Variants in CDON observed in about 807,000 individuals in gnomAD.
CDON encodes the protein cell adhesion associated, oncogene regulated.
In CDON, 73 loss-of-function variants were observed where a neutral mutation model predicts 120.9. The ratio of observed to expected loss-of-function variants is 0.60; its 90% CI spans 0.50 to 0.73. The LOEUF (loss-of-function observed/expected upper bound fraction) is 0.73. CDON is among the 30% of genes least tolerant of loss of function. The pLI, the probability that CDON is intolerant of heterozygous loss-of-function variation, is 0.00. For synonymous variants in CDON, 566 were observed against 573.5 expected (o/e 0.99, Z 0.19); for missense variants, 1,470 against 1,587.3 (o/e 0.93, Z 1.26).
rs516664 is a variant in CDON, at chr11:126,001,840, C to T, written c.2037G>A (p.Ala679=). The T allele has an allele frequency of 0.32, 507,564 of 1,580,472 alleles. 84,210 individuals are homozygous for T. The highest frequency in any genetic ancestry group is 0.38 in the African/African-American group (28,233 of 74,392). The change falls in exon 11 of 20, where the codon GCG becomes GCA. Residue 679 remains alanine (A), a synonymous_variant. Coordinates refer to ENST00000531738, the MANE Select transcript of CDON (RefSeq NM_001378964.1). ...AGGATGCCTGGGTGTTTTTTGATGACGCTGTTTTTTCTAGAAAGGTAAATA... is the reference window on the plus strand; with the variant it reads ...AGGATGCCTGGGTGTTTTTTGATGATGCTGTTTTTTCTAGAAAGGTAAATA... ...LTFRTSKEKT[A]SSKNTQASSP... is the part of the protein sequence containing the mutation.
intron 18 of CDON, among the ~76,000 whole-genome samples, chr11:125,965,735 G>A (rs1005109836): frequency 6.6e-6 from 1 of 152,220 alleles, no homozygotes; most frequent in South Asian, 2.1e-4. Flanking sequence ...ATGACTTAAA[G>A]TGATCTGGCC....
At chr11:126,009,152 C>T (rs894481560) in intron 8 of CDON, among the ~76,000 whole-genome samples, 4 of 152,206 alleles carry the variant, frequency 2.6e-5, no homozygotes, top group South Asian at 2.1e-4. Context: ...ACGTGCTCAG[C>T]CTCCACATCT....
At chr11:126,029,472 A>G (rs1250027169) in intron 1 of CDON, among the ~76,000 whole-genome samples, 1 of 152,146 alleles carries the variant, frequency 6.6e-6, no homozygotes, top group African/African-American at 2.4e-5. Context: ...CTAAGGGAAT[A>G]TTTGCTGACA....
intron 18 of CDON, among the ~76,000 whole-genome samples, chr11:125,970,228 G>A (rs1352525805): frequency 7.0e-6 from 1 of 143,482 alleles, no homozygotes; most frequent in African/African-American, 2.6e-5. Context: ...AGGCTGGAGT[G>A]CAGTGGCGCG....
intron 10 of CDON, among the ~76,000 whole-genome samples, chr11:126,002,645 C>T (rs1427131936): frequency 1.3e-5 from 2 of 152,200 alleles, no homozygotes; most frequent in African/African-American, 2.4e-5. Flanking sequence ...TGTGCTTCCC[C>T]AGCACTGTCC....
At chr11:126,015,539 T>C (rs775831353) in intron 6 of CDON, 29 bp from the exon 7 acceptor site, 33 of 1,609,282 alleles carry the variant, frequency 2.1e-5, no homozygotes, top group African/African-American at 2.7e-5. Flanking sequence ...AATTAAACTC[T>C]AGCCCTCAAA....
chr11:125,958,162 A>G lies in CDON; in HGVS notation c.*2780T>C, dbSNP rs889141167. ...GAATTCCACGGCAGGGATAGATCAC[A>G]GCATACGGAACGGGACTGGTTCCAT... On this transcript the variant is annotated 3_prime_UTR_variant, in exon 20 of 20. Coordinates refer to ENST00000531738, the MANE Select transcript of CDON (RefSeq NM_001378964.1). The G allele has an allele frequency of 3.3e-5, 5 of 152,222 alleles. No individual in the cohort carries two copies. Among genetic ancestry groups the G allele is most frequent in the African/African-American group, 9.6e-5 (4 of 41,468 alleles). 9.4% of individuals were successfully genotyped at this position (152,222 alleles called of 1,614,324 possible).
At chr11:125,989,521 G>T in intron 15 of CDON, 116 bp downstream of exon 15, 2 of 979,592 alleles carry the variant, frequency 2.0e-6, no homozygotes, top group Non-Finnish European at 3.2e-6. Flanking sequence ...GGGTGACAGA[G>T]TGAGACCGTG....
At chr11:126,038,826 T>C (rs1049144155) in intron 1 of CDON, among the ~76,000 whole-genome samples, 1 of 152,096 alleles carries the variant, frequency 6.6e-6, no homozygotes, top group African/African-American at 2.4e-5. Context: ...ACCTCAAGAG[T>C]AAAGGATCAG....
chr11:126,016,942 A>G (rs1203738696), intron 6 of CDON, 146 bp downstream of exon 6: 4 of 688,184 alleles, frequency 5.8e-6, no homozygotes, highest in East Asian at 5.4e-5. Context: ...TCAGCAGTCC[A>G]TTATAAAAAT....
intron 18 of CDON, among the ~76,000 whole-genome samples, chr11:125,968,239 T>C (rs1249670407): frequency 6.6e-6 from 1 of 152,260 alleles, no homozygotes; most frequent in East Asian, 1.9e-4. Context: ...AAAACAATGA[T>C]GACTCGCCAG....
rs60615493 is a variant in CDON at position 125,976,618 on chromosome 11, A to AAC, written c.3356+1684_3356+1685dup. On this transcript the variant is annotated intron_variant, in intron 18 of 19. Coordinates refer to ENST00000531738, the MANE Select transcript of CDON (RefSeq NM_001378964.1). ...ACACACACATGCACACACACACACA[A>AAC]ACACACACACACACACACACTACAC... Among the ~76,000 whole-genome samples the AAC allele has an allele frequency of 2.4e-3, 358 of 151,156 alleles. 7 individuals are homozygous for AAC. In the East Asian group the frequency reaches 0.041, roughly 18 times the overall value.
chr11:126,047,464 T>C (rs1591429438), intron 1 of CDON, among the ~76,000 whole-genome samples: 1 of 152,332 alleles, frequency 6.6e-6, no homozygotes, highest in Non-Finnish European at 1.5e-5. Flanking sequence ...CCTACTCATT[T>C]GATTTTGATT....
At chr11:126,043,694 C>T (rs569599774) in intron 1 of CDON, among the ~76,000 whole-genome samples, 12 of 152,342 alleles carry the variant, frequency 7.9e-5, no homozygotes, top group South Asian at 2.1e-4. Flanking sequence ...AGCCTTCCCG[C>T]GCCATACACA....
intron 7 of CDON, chr11:126,011,058 T>A: frequency 2.9e-6 from 1 of 343,860 alleles, no homozygotes; most frequent in South Asian, 2.4e-5. Flanking sequence ...TAAATAAGTA[T>A]AAAAGTAGAT....
intron 1 of CDON, among the ~76,000 whole-genome samples, chr11:126,062,178 C>CACTG: frequency 6.6e-6 from 1 of 152,326 alleles, no homozygotes; most frequent in South Asian, 2.1e-4. Flanking sequence ...ACACATAAAT[C>CACTG]ACTGTCTCTC....
chr11:126,028,822 T>C (rs1315704458), intron 1 of CDON, among the ~76,000 whole-genome samples: 1 of 146,790 alleles, frequency 6.8e-6, no homozygotes, highest in Non-Finnish European at 1.5e-5. Flanking sequence ...TGTATATGTA[T>C]GTGTGTGTGT....
At chr11:125,968,068 G>A (rs1218187577) in intron 18 of CDON, among the ~76,000 whole-genome samples, 1 of 151,778 alleles carries the variant, frequency 6.6e-6, no homozygotes, top group East Asian at 1.9e-4. Flanking sequence ...AGAAAGAAAA[G>A]TTTTCATTTA....
intron 7 of CDON, among the ~76,000 whole-genome samples, chr11:126,014,266 C>G (rs1032545429): frequency 1.3e-5 from 2 of 151,914 alleles, no homozygotes; most frequent in African/African-American, 4.8e-5. Context: ...GAGCGAAAGA[C>G]AAAGAACAGT....
Sources: gnomAD v4.1 joint callset for allele counts (sites outside exome capture counted in the v4.1 genomes callset) on GRCh38, gnomAD v4.1.1 for gene constraint, MANE v1.5 for transcripts, NCBI Gene and HGNC (gene_info 2026-07-23, HGNC 2026-07-21) for gene names.